Variants in PPFIA2 observed in about 807,000 individuals in gnomAD.
PPFIA2 encodes the protein liprin-alpha-2.
PPFIA2 carries 46 observed loss-of-function variants against 175.5 expected under a neutral mutation model. The ratio of observed to expected loss-of-function variants is 0.26; its 90% CI spans 0.21 to 0.34. PPFIA2 has a LOEUF of 0.34. PPFIA2 is among the 10% of genes least tolerant of loss of function. The pLI is 1.00. For synonymous variants in PPFIA2, 568 were observed against 511.4 expected, an observed-to-expected ratio of 1.11 and a Z score of -1.49; for missense variants, 1,179 against 1,506.1, an observed-to-expected ratio of 0.78 and a Z score of 3.60.
intron 5 of PPFIA2, among the ~76,000 whole-genome samples, chr12:81,456,573 T>C (rs1309742240): frequency 1.3e-5 from 2 of 152,224 alleles, no homozygotes; most frequent in African/African-American, 4.8e-5. Context: ...TACCTATTTT[T>C]TTCAGGATTG....
rs757310225 is a variant in PPFIA2, at chr12:81,353,298, C to A, written c.1815G>T (p.Gln605His). ...AAGGGTGGCTGCTTAGTACTCCAAT[C>A]TGTTGAGTTCTATTCCACTCGTGAT... Reference protein sequence around the residue: ...LGDHEWNRTQQIGVLSSHPFE... With the variant: ...LGDHEWNRTQHIGVLSSHPFE... Residue 605 changes from glutamine to histidine, a missense_variant, in exon 17 of 33, where the codon CAG becomes CAT. Coordinates refer to ENST00000549396, the MANE Select transcript of PPFIA2 (RefSeq NM_003625.5). The A allele has an allele frequency of 6.2e-7, 1 of 1,613,492 alleles. No homozygotes were observed. Among genetic ancestry groups the A allele is most frequent in the African/African-American group, 1.3e-5 (1 of 74,902 alleles).
At chr12:81,358,576 T>C (rs1292249598) in intron 15 of PPFIA2, among the ~76,000 whole-genome samples, 1 of 152,188 alleles carries the variant, frequency 6.6e-6, no homozygotes, top group Non-Finnish European at 1.5e-5. Flanking sequence ...CTTTTGTGTA[T>C]ATCACAGTAT....
intron 4 of PPFIA2, among the ~76,000 whole-genome samples, chr12:81,593,983 A>G (rs552685779): frequency 6.6e-6 from 1 of 152,266 alleles, no homozygotes; most frequent in South Asian, 2.1e-4. Flanking sequence ...GCTGCTCCCC[A>G]TTACTCACAT....
chr12:81,352,738 T>C (rs1401072909), intron 17 of PPFIA2, among the ~76,000 whole-genome samples: 1 of 152,178 alleles, frequency 6.6e-6, no homozygotes, highest in African/African-American at 2.4e-5. Context: ...CAGTATGTAA[T>C]GTATCTGAAG....
intron 2 of PPFIA2, 95 bp from the exon 3 acceptor site, chr12:81,754,318 A>G: frequency 2.1e-6 from 3 of 1,440,228 alleles, no homozygotes. Flanking sequence ...TCAGCTTATT[A>G]GCCTATTTGT....
At chr12:81,496,361 T>C (rs920742743) in intron 4 of PPFIA2, among the ~76,000 whole-genome samples, 3 of 152,140 alleles carry the variant, frequency 2.0e-5, no homozygotes, top group Non-Finnish European at 2.9e-5. Flanking sequence ...TTGGAGACAA[T>C]TGCAGAAAAT....
intron 4 of PPFIA2, among the ~76,000 whole-genome samples, chr12:81,464,382 T>C (rs906521450): frequency 2.6e-5 from 4 of 152,116 alleles, no homozygotes; most frequent in African/African-American, 9.7e-5. Context: ...CCCATTCTAT[T>C]GTATGGCAAT....
chr12:81,528,215 GACAGAGGATCT>G (rs2063980998), intron 4 of PPFIA2, among the ~76,000 whole-genome samples: 1 of 152,020 alleles, frequency 6.6e-6, no homozygotes, highest in Admixed American at 6.6e-5. Flanking sequence ...ACCAACAATA[GACAGAGGATCT>G]GAGGGTACAT....
chr12:81,625,845 A>T (rs1296051403), intron 4 of PPFIA2, among the ~76,000 whole-genome samples: 3 of 147,842 alleles, frequency 2.0e-5, no homozygotes, highest in Admixed American at 6.8e-5. Flanking sequence ...ATATTATTAA[A>T]TATATTATAA....
At chr12:81,362,571 C>G in intron 15 of PPFIA2, 122 bp downstream of exon 15, 3 of 546,068 alleles carry the variant, frequency 5.5e-6, no homozygotes, top group Non-Finnish European at 9.5e-6. Context: ...AGAGTCAAAA[C>G]ATGATAATGA....
At chr12:81,376,018 A>G in intron 9 of PPFIA2, 76 bp from the exon 10 acceptor site, 1 of 1,319,460 alleles carries the variant, frequency 7.6e-7, no homozygotes, top group South Asian at 1.3e-5. Flanking sequence ...GTTAAATAAA[A>G]AAGAAACATA....
intron 9 of PPFIA2, among the ~76,000 whole-genome samples, chr12:81,380,415 C>T (rs1357265): frequency 0.097 from 14,685 of 151,966 alleles, 883 homozygotes; most frequent in Middle Eastern, 0.16. Flanking sequence ...GGAAAAGAAA[C>T]TTGCAATCCA....
intron 4 of PPFIA2, among the ~76,000 whole-genome samples, chr12:81,474,299 G>A (rs1040968536): frequency 4.6e-5 from 7 of 152,272 alleles, no homozygotes; most frequent in Non-Finnish European, 7.3e-5. Context: ...TGGAATTACA[G>A]GCATCTACCG....
chr12:81,406,722 C>A (rs1421490852), intron 7 of PPFIA2, among the ~76,000 whole-genome samples: 1 of 151,766 alleles, frequency 6.6e-6, no homozygotes, highest in Non-Finnish European at 1.5e-5. Flanking sequence ...AATGCTGTAA[C>A]TTATTTATTC....
At chr12:81,660,122 A>T (rs1331768792) in intron 4 of PPFIA2, among the ~76,000 whole-genome samples, 1 of 152,184 alleles carries the variant, frequency 6.6e-6, no homozygotes, top group Non-Finnish European at 1.5e-5. Flanking sequence ...AAAACTGAAA[A>T]TTCTAAAAAT....
intron 3 of PPFIA2, among the ~76,000 whole-genome samples, chr12:81,704,915 C>T (rs1260366442): frequency 6.6e-6 from 1 of 150,778 alleles, no homozygotes; most frequent in African/African-American, 2.4e-5. Flanking sequence ...GAAATCCTGT[C>T]TCTACTAAAA....
chr12:81,491,572 C>T (rs1032378758), intron 4 of PPFIA2, among the ~76,000 whole-genome samples: 1 of 151,786 alleles, frequency 6.6e-6, no homozygotes, highest in Non-Finnish European at 1.5e-5. Flanking sequence ...GTGGAGCCCT[C>T]ATGATGAAAA....
At chr12:81,439,128 T>A (rs1402291049) in intron 7 of PPFIA2, among the ~76,000 whole-genome samples, 1 of 151,254 alleles carries the variant, frequency 6.6e-6, no homozygotes, top group Non-Finnish European at 1.5e-5. Flanking sequence ...ACTATTTTAA[T>A]GGCTGACACA....
At chr12:81,426,319 T>C (rs898117062) in intron 7 of PPFIA2, among the ~76,000 whole-genome samples, 1 of 152,198 alleles carries the variant, frequency 6.6e-6, no homozygotes, top group African/African-American at 2.4e-5. Context: ...TTGTTTCTCC[T>C]GCTTTGGCTG....
Sources: allele counts gnomAD v4.1 joint callset (sites outside exome capture counted in the v4.1 genomes callset), GRCh38; gene constraint gnomAD v4.1.1; transcripts MANE v1.5; gene names NCBI Gene and HGNC (gene_info 2026-07-23, HGNC 2026-07-21).